Variants in ALDH1A1 observed in about 807,000 individuals in gnomAD.
ALDH1A1 encodes the protein aldehyde dehydrogenase 1 family member A1.
In ALDH1A1, 19 loss-of-function variants were observed where a neutral mutation model predicts 62.1. The ratio of observed to expected loss-of-function variants is 0.31; its 90% confidence interval spans 0.21 to 0.45. ALDH1A1 has a LOEUF of 0.45. Ranked by LOEUF, ALDH1A1 falls within the 20% of genes least tolerant of loss-of-function variation. The pLI is 1.00. For missense variants in ALDH1A1, 521 were observed against 607.1 expected (o/e 0.86, Z 1.49); for synonymous variants, 231 against 215.9 (o/e 1.07, Z -0.61).
At chr9:72,908,528 AAAG>A in intron 11 of ALDH1A1, among the ~76,000 whole-genome samples, 7 of 143,032 alleles carry the variant, frequency 4.9e-5, no homozygotes, top group Non-Finnish European at 7.5e-5. Context: ...AGAAAGAAAG[AAAG>A]AAAGAAAGAA....
At chr9:72,929,866 C>T (rs939832337) in intron 3 of ALDH1A1, among the ~76,000 whole-genome samples, 1 of 152,170 alleles carries the variant, frequency 6.6e-6, no homozygotes, top group Non-Finnish European at 1.5e-5. Context: ...AGGCAGTCAA[C>T]AAATCAGATA....
intron 1 of ALDH1A1, among the ~76,000 whole-genome samples, chr9:72,949,921 G>A (rs1202390680): frequency 1.3e-5 from 2 of 151,576 alleles, no homozygotes; most frequent in East Asian, 3.9e-4. Flanking sequence ...GAATCCTGTA[G>A]GAGAAAATTT....
At chr9:72,927,381 A>G (rs1043100662) in intron 4 of ALDH1A1, among the ~76,000 whole-genome samples, 1 of 152,168 alleles carries the variant, frequency 6.6e-6, no homozygotes, top group African/African-American at 2.4e-5. Context: ...GACCATCTAT[A>G]TCTCCAACTA....
chr9:72,921,836 A>C (rs1166959214), intron 7 of ALDH1A1, among the ~76,000 whole-genome samples: 1 of 152,008 alleles, frequency 6.6e-6, no homozygotes, highest in Admixed American at 6.5e-5. Flanking sequence ...ATAGGCATGC[A>C]CTGTTATTAT....
At chr9:72,922,002 G>T (rs930049132) in intron 7 of ALDH1A1, among the ~76,000 whole-genome samples, 2 of 152,054 alleles carry the variant, frequency 1.3e-5, no homozygotes, top group Non-Finnish European at 2.9e-5. Flanking sequence ...CTGGGGGAAT[G>T]AAAAGATACA....
intron 11 of ALDH1A1, 72 bp from the exon 12 acceptor site, chr9:72,906,104 G>A (rs1258612309): frequency 2.7e-6 from 3 of 1,131,480 alleles, no homozygotes; most frequent in South Asian, 1.5e-5. Context: ...GGCAGTTTTA[G>A]AAATTTGGAA....
rs141702925 is a variant in ALDH1A1, at chr9:72,930,918, C to T, written c.273G>A (p.Lys91=). The change falls in exon 3 of 13, where the codon AAG becomes AAA. Residue 91 remains lysine, a synonymous_variant. Transcript: ENST00000297785. The part of the protein sequence containing the change: ...DASERGRLLY[K]LADLIERDRL... ...GATCTCTTTCGATTAAATCAGCCAA[C>T]TTGTATAATAGTCGCCCCCTCTCGG... is the stretch of plus-strand genomic sequence containing the variant. The T allele has an allele frequency of 6.8e-6, 11 of 1,613,970 alleles. No individual in the cohort carries two copies. The African/African-American group carries it at 1.2e-4, about 18-fold the overall frequency.
In ALDH1A1 at chr9:72,908,552, G is replaced by GAA. The variant is rs1363942326; in HGVS notation, c.1358+1048_1358+1049dup. On this transcript the variant is annotated intron_variant, in intron 11 of 12. Coordinates refer to ENST00000297785, the MANE Select transcript of ALDH1A1 (RefSeq NM_000689.5). Reference sequence around the variant, plus strand: ...GAAAGAAAGAAAGAAAGAAAAGAAAGAAGAAAGAAAGAAAGAAAGAAAGAA... The same window carrying GAA: ...GAAAGAAAGAAAGAAAGAAAAGAAAGAAAAGAAAGAAAGAAAGAAAGAAAGAA... Among the ~76,000 whole-genome samples, 34 of 91,848 alleles carry GAA rather than the reference G, an allele frequency of 3.7e-4. 2 individuals are homozygous for GAA. The highest frequency in any genetic ancestry group is 1.6e-3 in the African/African-American group (31 of 19,504). 60.3% of individuals were successfully genotyped at this position (91,848 alleles called of 152,430 possible).
chr9:72,948,822 T>A (rs993667059), intron 1 of ALDH1A1, among the ~76,000 whole-genome samples: 1 of 151,386 alleles, frequency 6.6e-6, no homozygotes, highest in Non-Finnish European at 1.5e-5. Flanking sequence ...CAAGGCCTTG[T>A]TAAATAAGAG....
In ALDH1A1 at chr9:72,918,672, A is replaced by G. The variant is rs757517003; in HGVS notation, c.850+48T>C. 2.4e-5 allele frequency: 24 copies of G among 984,574 alleles called. No individual in the cohort carries two copies. In the Admixed American group the frequency reaches 6.1e-4, roughly 25 times the overall value. The allele number at this position is 984,574 out of a possible 1,614,324, so 61.0% of individuals were successfully genotyped here. Reference sequence around the variant, plus strand: ...AAGTTCACTTTTGGCATTATCAGACACCAAAAACGATGAAGGACGAAAAGT... The same window carrying G: ...AAGTTCACTTTTGGCATTATCAGACGCCAAAAACGATGAAGGACGAAAAGT... On this transcript the variant is annotated intron_variant, in intron 8 of 12. Transcript: ENST00000297785.
intron 12 of ALDH1A1, among the ~76,000 whole-genome samples, chr9:72,901,813 T>C (rs1354809036): frequency 6.6e-6 from 1 of 152,046 alleles, no homozygotes; most frequent in African/African-American, 2.4e-5. Context: ...GTGATTGTCA[T>C]AGAAGTGGTA....
At chr9:72,945,140 A>G (rs1232298525) in intron 1 of ALDH1A1, among the ~76,000 whole-genome samples, 2 of 152,146 alleles carry the variant, frequency 1.3e-5, no homozygotes, top group African/African-American at 4.8e-5. Context: ...ATAAATCTAC[A>G]GTTCTAAATA....
chr9:72,926,053 C>T (rs1380335262), intron 5 of ALDH1A1, among the ~76,000 whole-genome samples: 1 of 152,164 alleles, frequency 6.6e-6, no homozygotes, highest in Non-Finnish European at 1.5e-5. Context: ...ACAAAGATGT[C>T]CAGGGTCCAG....
chr9:72,919,071 G>T (rs1034733838), intron 7 of ALDH1A1, among the ~76,000 whole-genome samples: 7 of 152,088 alleles, frequency 4.6e-5, no homozygotes, highest in Non-Finnish European at 8.8e-5. Context: ...CATTTTTAAA[G>T]ATCTGGCACT....
chr9:72,930,882 C>T lies in ALDH1A1; in HGVS notation c.309G>A (p.Leu103=), dbSNP rs771670940. Residue 103 remains leucine (L), a synonymous_variant, in exon 3 of 13, where the codon CTG becomes CTA. Transcript: ENST00000297785. ...ATCCAGCTTGGATAATACTCACCGCCAGCAGCAGACGATCTCTTTCGATTA... is the reference window on the plus strand; with the variant it reads ...ATCCAGCTTGGATAATACTCACCGCTAGCAGCAGACGATCTCTTTCGATTA... The part of the protein sequence containing the change: ...ADLIERDRLL[L]ATMESMNGGK... 3.7e-6 allele frequency: 6 copies of T among 1,613,850 alleles called. No homozygotes were observed. The highest frequency in any genetic ancestry group is 5.1e-6 in the Non-Finnish European group (6 of 1,179,926).
intron 10 of ALDH1A1, among the ~76,000 whole-genome samples, chr9:72,911,701 C>T (rs541251940): frequency 5.9e-5 from 9 of 152,282 alleles, no homozygotes; most frequent in Non-Finnish European, 4.4e-5. Flanking sequence ...TGTTTTAAAG[C>T]TGTGAAGGCA....
At chr9:72,952,865 C>T in intron 1 of ALDH1A1, 70 bp downstream of exon 1, 6 of 1,559,174 alleles carry the variant, frequency 3.8e-6, no homozygotes, top group Non-Finnish European at 5.3e-6. Flanking sequence ...CTTAAATTGA[C>T]CTTTAATGCT....
chr9:72,908,568 A>T (rs1453109686), intron 11 of ALDH1A1, among the ~76,000 whole-genome samples: 2 of 49,938 alleles, frequency 4.0e-5, no homozygotes, highest in Non-Finnish European at 9.9e-5. Context: ...AGAAAGAAAG[A>T]AAGAAAGAAA....
At chr9:72,938,146 C>T (rs1588143023) in intron 2 of ALDH1A1, among the ~76,000 whole-genome samples, 2 of 152,082 alleles carry the variant, frequency 1.3e-5, no homozygotes, top group East Asian at 1.9e-4. Flanking sequence ...CTGGCAGGAA[C>T]ATGTGATCGC....
Sources: gnomAD v4.1 joint callset for allele counts (sites outside exome capture counted in the v4.1 genomes callset) on GRCh38, gnomAD v4.1.1 for gene constraint, MANE v1.5 for transcripts, NCBI Gene and HGNC (gene_info 2026-07-23, HGNC 2026-07-21) for gene names.